The following STK10 variants were observed in gnomAD, a reference collection of about 807,000 sequenced individuals.
The protein encoded by STK10 is serine/threonine-protein kinase 10.
In STK10, 78 loss-of-function variants were observed where a neutral mutation model predicts 113.8. That is an observed-to-expected ratio of 0.69 (90% CI 0.57 to 0.83). The LOEUF (loss-of-function observed/expected upper bound fraction) is 0.83, where lower values mean the gene tolerates loss of function less well. Ranked by LOEUF, STK10 falls within the 40% of genes least tolerant of loss-of-function variation. The pLI, the probability that STK10 is intolerant of heterozygous loss-of-function variation, is 0.00. For missense variants in STK10, 1,109 were observed against 1,280.1 expected, an observed-to-expected ratio of 0.87 and a Z score of 2.04; for synonymous variants, 465 against 494.7, an observed-to-expected ratio of 0.94 and a Z score of 0.80.
chr5:172,066,104 TG>T (rs1349324751), intron 12 of STK10, among the ~76,000 whole-genome samples: 2 of 152,114 alleles, frequency 1.3e-5, no homozygotes, highest in African/African-American at 2.4e-5. Context: ...GAGCATCTGA[TG>T]GGGGGAAAGG....
rs531857039 is a variant in STK10, at chr5:172,097,699, T to C, written c.871-1139A>G. 2.0e-5 allele frequency among the ~76,000 whole-genome samples: 3 copies of C among 152,320 alleles called. No homozygotes were observed. In the South Asian group the frequency reaches 6.2e-4, roughly 32 times the overall value. ...GGCTGTTTCCCATTTTTGGCAACTA[T>C]GAATAAAGCTGCAAGAGACATTCTC... On this transcript the variant is annotated intron_variant, in intron 7 of 18. Transcript: ENST00000176763.
intron 4 of STK10, among the ~76,000 whole-genome samples, chr5:172,109,627 G>A (rs2113768537): frequency 6.6e-6 from 1 of 152,208 alleles, no homozygotes; most frequent in South Asian, 2.1e-4. Flanking sequence ...ATCTTTACAT[G>A]CATTCCAACA....
chr5:172,094,508 G>A (rs148820110), intron 8 of STK10, among the ~76,000 whole-genome samples: 3,152 of 152,014 alleles, frequency 0.021, 106 homozygotes, highest in African/African-American at 0.072. Flanking sequence ...GGAGCCTCCC[G>A]AGTAGCTGGG....
intron 2 of STK10, among the ~76,000 whole-genome samples, chr5:172,147,077 G>A (rs1415646164): frequency 6.6e-6 from 1 of 152,206 alleles, no homozygotes; most frequent in Non-Finnish European, 1.5e-5. Context: ...GCTGGAACTG[G>A]CTCACAGAAC....
rs966502888 is a variant in STK10 at position 172,133,484 on chromosome 5, A to G, written c.322-6063T>C. On this transcript the variant is annotated intron_variant, in intron 2 of 18. Transcript: ENST00000176763. This position sits in a 1 kb window ranked among gnomAD's most constrained non-coding sequence, Gnocchi z 4.9. ...AGGGAGGGGTAGAAGCAGGGTGCTA[A>G]GCCAGTCAGGAAAATTTTCTGCCTC... 3.3e-5 allele frequency among the ~76,000 whole-genome samples: 5 copies of G among 152,168 alleles called. No individual in the cohort carries two copies. The highest frequency in any genetic ancestry group is 1.2e-4 in the African/African-American group (5 of 41,436).
intron 10 of STK10, among the ~76,000 whole-genome samples, chr5:172,089,794 T>G (rs950323431): frequency 6.6e-6 from 1 of 151,800 alleles, no homozygotes; most frequent in African/African-American, 2.4e-5. Context: ...ACTGGGTGGA[T>G]AGATGGATAG....
intron 9 of STK10, among the ~76,000 whole-genome samples, chr5:172,092,023 T>C (rs1768724052): frequency 6.6e-6 from 1 of 152,226 alleles, no homozygotes; most frequent in Non-Finnish European, 1.5e-5. Flanking sequence ...CTCCTGCCCA[T>C]GGCACCTCGC....
intron 14 of STK10, among the ~76,000 whole-genome samples, chr5:172,058,321 G>C (rs1486595249): frequency 2.0e-5 from 3 of 152,218 alleles, no homozygotes; most frequent in African/African-American, 7.2e-5. Flanking sequence ...GATAGGAAAA[G>C]GAAGTGAGGG....
chr5:172,116,799 T>C (rs928218069), intron 4 of STK10, among the ~76,000 whole-genome samples: 9 of 151,974 alleles, frequency 5.9e-5, no homozygotes, highest in Admixed American at 3.9e-4. Context: ...ACTGAGGAGG[T>C]GGAGGTTGCA....
At chr5:172,047,957 C>T (rs1310338956) in intron 18 of STK10, among the ~76,000 whole-genome samples, 1 of 129,784 alleles carries the variant, frequency 7.7e-6, no homozygotes, top group African/African-American at 3.1e-5. Flanking sequence ...GGCTGGGGTG[C>T]AGTGATGCGA....
intron 1 of STK10, among the ~76,000 whole-genome samples, chr5:172,185,600 C>G (rs1419061290): frequency 6.6e-6 from 1 of 152,224 alleles, no homozygotes; most frequent in African/African-American, 2.4e-5. Flanking sequence ...ACGCTAAAAA[C>G]ACCAACTGAA....
At chr5:172,140,503 C>A (rs1561822519) in intron 2 of STK10, among the ~76,000 whole-genome samples, 1 of 152,146 alleles carries the variant, frequency 6.6e-6, no homozygotes, top group Non-Finnish European at 1.5e-5. Flanking sequence ...TCGAGACCAG[C>A]CTGGCCAACA....
intron 15 of STK10, chr5:172,056,993 A>G (rs199804144): frequency 0.014 from 743 of 51,876 alleles, 20 homozygotes; most frequent in African/African-American, 0.042. Flanking sequence ...GAAAGAAAGA[A>G]AGAGAAAGAA....
Position 172,082,830 on chromosome 5 carries a change from G to A in STK10, c.1809+131C>T, listed in dbSNP as rs1768463728. 2 of 1,412,974 alleles carry A rather than the reference G, an allele frequency of 1.4e-6. No homozygotes were observed. Among genetic ancestry groups the A allele is most frequent in the South Asian group, 2.7e-5 (2 of 72,848 alleles). The allele number at this position is 1,412,974 out of a possible 1,614,324, so 87.5% of individuals were successfully genotyped here. A position where few individuals can be genotyped will look rare whatever the true frequency, so the allele number is the denominator to read the frequency against. On this transcript the variant is annotated intron_variant, in intron 11 of 18. Transcript: ENST00000176763. This position sits in a 1 kb window ranked among gnomAD's most constrained non-coding sequence, Gnocchi z 4.3. ...ACAAGTCACTGCCTAACAAGATCGG[G>A]AAGCCCCCAGGAATTGGGCAATTGT...
intron 7 of STK10, among the ~76,000 whole-genome samples, chr5:172,103,289 G>A (rs1036147364): frequency 1.3e-5 from 2 of 152,264 alleles, no homozygotes; most frequent in South Asian, 2.1e-4. Context: ...GCGCGTGGGT[G>A]AAGCCAGCAG....
At chr5:172,149,495 CGTGTGTGTGTGTGT>C (rs3839238) in intron 2 of STK10, among the ~76,000 whole-genome samples, 2 of 149,262 alleles carry the variant, frequency 1.3e-5, no homozygotes, top group African/African-American at 2.5e-5. Context: ...ACAAAGTGCT[CGTGTGTGTGTGTGT>C]GTGTGTGTGT....
At chr5:172,171,585 A>T (rs1273333693) in intron 1 of STK10, among the ~76,000 whole-genome samples, 1 of 151,722 alleles carries the variant, frequency 6.6e-6, no homozygotes, top group African/African-American at 2.4e-5. Context: ...ATGGTGGCAC[A>T]CTCCTGTAGT....
intron 7 of STK10, among the ~76,000 whole-genome samples, chr5:172,097,990 T>A (rs1768897653): frequency 6.6e-6 from 1 of 152,258 alleles, no homozygotes; most frequent in Middle Eastern, 3.4e-3. Context: ...CGAAGGCCAC[T>A]GGGAAAGGAA....
At chr5:172,064,497 G>C (rs748492116) in intron 13 of STK10, 10 of 595,234 alleles carry the variant, frequency 1.7e-5, no homozygotes, top group Non-Finnish European at 2.7e-5. Flanking sequence ...AAAGTGTTGG[G>C]GTATCCAGAG....
Sources: gnomAD v4.1 joint callset for allele counts (sites outside exome capture counted in the v4.1 genomes callset) on GRCh38, gnomAD v4.1.1 for gene constraint, Gnocchi (gnomAD v3.1) non-coding constraint, MANE v1.5 for transcripts, NCBI Gene and HGNC (gene_info 2026-07-23, HGNC 2026-07-21) for gene names.